BNC2: variants seen among roughly 807,000 people sequenced by gnomAD.
BNC2 encodes the protein zinc finger protein basonuclin-2.
Under a neutral mutation model 76.3 loss-of-function variants are expected in BNC2, and 20 were observed. The ratio of observed to expected loss-of-function variants is 0.26; its 90% CI spans 0.18 to 0.38. The LOEUF is 0.38. Ranked by LOEUF, BNC2 falls within the 10% of genes least tolerant of loss-of-function variation. The pLI, the probability that BNC2 is intolerant of heterozygous loss-of-function variation, is 1.00. For synonymous variants in BNC2, 582 were observed against 514.8 expected (o/e 1.13, Z -1.77); for missense variants, 1,382 against 1,399.8 (o/e 0.99, Z 0.20).
chr9:16,591,341 G>A (rs1385213892), intron 3 of BNC2, among the ~76,000 whole-genome samples: 1 of 152,156 alleles, frequency 6.6e-6, no homozygotes, highest in African/African-American at 2.4e-5. Context: ...CTGTTGTACT[G>A]AAGAGTTTTG....
chr9:16,757,781 A>T (rs1452429778), intron 1 of BNC2, among the ~76,000 whole-genome samples: 1 of 151,916 alleles, frequency 6.6e-6, no homozygotes, highest in Non-Finnish European at 1.5e-5. Context: ...ATTTAAAAGC[A>T]AAATTAATTG....
chr9:16,642,070 T>C (rs1465025009), intron 3 of BNC2, among the ~76,000 whole-genome samples: 2 of 152,218 alleles, frequency 1.3e-5, no homozygotes, highest in Non-Finnish European at 2.9e-5. Context: ...TCATGTTCTA[T>C]AAGCCAAAAT....
chr9:16,712,174 A>C (rs1448128710), intron 3 of BNC2, among the ~76,000 whole-genome samples: 1 of 152,250 alleles, frequency 6.6e-6, no homozygotes. Context: ...AACTATGTCA[A>C]GTATAGCTCC....
chr9:16,810,432 G>A (rs1818017763), intron 1 of BNC2, among the ~76,000 whole-genome samples: 1 of 152,198 alleles, frequency 6.6e-6, no homozygotes, highest in Non-Finnish European at 1.5e-5. Context: ...TACAGGCTAG[G>A]CGTCCCACAG....
chr9:16,834,434 G>C (rs1346297943), intron 1 of BNC2, among the ~76,000 whole-genome samples: 1 of 152,110 alleles, frequency 6.6e-6, no homozygotes, highest in Non-Finnish European at 1.5e-5. Context: ...GACAGTTGCA[G>C]AAAAGCAAAA....
In BNC2 at chr9:16,597,528, A is replaced by C. The variant is rs561142296; in HGVS notation, c.331-14443T>G. ...TTATAATGCATATGTATAGCCAGAC[A>C]AAAAAAACGCTGGCTGCCCTTTTGA... On this transcript the variant is annotated intron_variant, in intron 3 of 6. Transcript: ENST00000380672. Among the ~76,000 whole-genome samples the C allele has an allele frequency of 8.6e-5, 13 of 151,934 alleles. 2 individuals carry two copies. In the South Asian group the frequency reaches 2.3e-3, roughly 27 times the overall value.
chr9:16,413,375 C>T lies in BNC2; in HGVS notation c.*5614G>A, dbSNP rs1820516639. ...TGCTTAGTTTTTTTTTTTTTTTTAA[C>T]CTCCTGTTATTTGGATTTGGATTAA... On this transcript the variant is annotated 3_prime_UTR_variant, in exon 7 of 7. Transcript: ENST00000380672. 2 of 148,840 alleles carry T rather than the reference C, an allele frequency of 1.3e-5. No individual in the cohort carries two copies. The highest frequency in any genetic ancestry group is 3.0e-5 in the Non-Finnish European group (2 of 67,440). The allele number at this position is 148,840 out of a possible 1,614,324, so 9.2% of individuals were successfully genotyped here.
intron 3 of BNC2, among the ~76,000 whole-genome samples, chr9:16,662,109 C>G (rs983721446): frequency 2.6e-5 from 4 of 152,188 alleles, no homozygotes; most frequent in African/African-American, 7.2e-5. Flanking sequence ...TCTACTCAAG[C>G]TGTTAAACTC....
At chr9:16,720,535 A>C (rs1824125869) in intron 3 of BNC2, among the ~76,000 whole-genome samples, 3 of 152,228 alleles carry the variant, frequency 2.0e-5, no homozygotes, top group African/African-American at 7.2e-5. Flanking sequence ...CATTGAGTAA[A>C]TAAGACGTCA....
chr9:16,438,745 T>C (rs1451759357), intron 5 of BNC2, among the ~76,000 whole-genome samples: 1 of 151,990 alleles, frequency 6.6e-6, no homozygotes, highest in African/African-American at 2.4e-5. Context: ...AAAGGGAAAA[T>C]CATAACATTA....
chr9:16,725,217 T>TCTCA (rs1554717037), intron 3 of BNC2, among the ~76,000 whole-genome samples: 192 of 148,258 alleles, frequency 1.3e-3, no homozygotes, highest in East Asian at 4.4e-3. Flanking sequence ...TCTCTCTCTC[T>TCTCA]CACACACACA....
At chr9:16,506,077 G>A (rs1179819060) in intron 5 of BNC2, among the ~76,000 whole-genome samples, 2 of 152,118 alleles carry the variant, frequency 1.3e-5, no homozygotes, top group East Asian at 3.8e-4. Context: ...CACAGACACT[G>A]GGCCATGAAA....
intron 1 of BNC2, among the ~76,000 whole-genome samples, chr9:16,808,320 A>T (rs997541937): frequency 2.0e-5 from 3 of 152,020 alleles, no homozygotes; most frequent in Non-Finnish European, 4.4e-5. Flanking sequence ...AATTTATTTG[A>T]CAAACAGCAG....
At chr9:16,624,974 GTAA>G (rs1820953965) in intron 3 of BNC2, among the ~76,000 whole-genome samples, 1 of 152,204 alleles carries the variant, frequency 6.6e-6, no homozygotes, top group Admixed American at 6.5e-5. Context: ...CACCTCGCAT[GTAA>G]TAGCAGGCAG....
chr9:16,813,038 G>A (rs1403465028), intron 1 of BNC2, among the ~76,000 whole-genome samples: 1 of 151,946 alleles, frequency 6.6e-6, no homozygotes, highest in African/African-American at 2.4e-5. Flanking sequence ...GTGAAACCCT[G>A]TCTCTACTAA....
chr9:16,490,280 A>C (rs1167939869), intron 5 of BNC2, among the ~76,000 whole-genome samples: 1 of 152,230 alleles, frequency 6.6e-6, no homozygotes, highest in Non-Finnish European at 1.5e-5. Flanking sequence ...CCGCAAGAGA[A>C]AATGAGGAAG....
chr9:16,584,326 C>A (rs1489960957), intron 3 of BNC2, among the ~76,000 whole-genome samples: 2 of 152,114 alleles, frequency 1.3e-5, no homozygotes, highest in Non-Finnish European at 2.9e-5. Flanking sequence ...TTGTAACAGG[C>A]AGTATTTTGG....
chr9:16,853,075 G>C (rs1204197826), intron 1 of BNC2, among the ~76,000 whole-genome samples: 2 of 152,228 alleles, frequency 1.3e-5, no homozygotes, highest in East Asian at 1.9e-4. Context: ...TCTAGGAGTA[G>C]TGGGAGGAGA....
At chr9:16,425,139 A>G (rs761999853) in intron 6 of BNC2, among the ~76,000 whole-genome samples, 1 of 152,224 alleles carries the variant, frequency 6.6e-6, no homozygotes, top group Non-Finnish European at 1.5e-5. Flanking sequence ...AATTAAAAGT[A>G]TGAAACTCAG....
Sources: gnomAD v4.1 joint callset for allele counts (sites outside exome capture counted in the v4.1 genomes callset) on GRCh38, gnomAD v4.1.1 for gene constraint, MANE v1.5 for transcripts, NCBI Gene and HGNC (gene_info 2026-07-23, HGNC 2026-07-21) for gene names.